ASXL2: variants seen among roughly 807,000 people sequenced by gnomAD.
The protein encoded by ASXL2 is putative Polycomb group protein ASXL2.
Under a neutral mutation model 122.0 loss-of-function variants are expected in ASXL2, and 23 were observed. That is an observed-to-expected ratio of 0.19 (90% CI 0.14 to 0.27). The LOEUF is 0.27. ASXL2 is among the 10% of genes least tolerant of loss of function. The probability of loss-of-function intolerance (pLI) is 1.00; values close to 1 mark genes in which losing one functional copy is unlikely to be tolerated. For synonymous variants in ASXL2, 650 were observed against 637.0 expected (o/e 1.02, Z -0.31); for missense variants, 1,518 against 1,713.8 (o/e 0.89, Z 2.02).
intron 1 of ASXL2, among the ~76,000 whole-genome samples, chr2:25,851,989 A>C (rs1350229073): frequency 6.6e-6 from 1 of 152,182 alleles, no homozygotes; most frequent in African/African-American, 2.4e-5. Context: ...AGGGAAAAAA[A>C]CCCTTTCTTG....
chr2:25,817,831 G>A (rs190279323), intron 3 of ASXL2, among the ~76,000 whole-genome samples: 14 of 152,278 alleles, frequency 9.2e-5, no homozygotes, highest in African/African-American at 3.4e-4. Flanking sequence ...CTGACAGAGA[G>A]TGAGAACCCC....
intron 5 of ASXL2, among the ~76,000 whole-genome samples, chr2:25,778,503 G>A (rs778726925): frequency 3.9e-5 from 6 of 152,140 alleles, no homozygotes; most frequent in African/African-American, 1.2e-4. Flanking sequence ...TGCTTAAGCC[G>A]CTCACTGTGT....
chr2:25,798,682 T>C (rs781499825), intron 5 of ASXL2, among the ~76,000 whole-genome samples: 4 of 152,062 alleles, frequency 2.6e-5, no homozygotes, highest in African/African-American at 7.2e-5. Flanking sequence ...GGTAATTGCT[T>C]GAACCCAGGA....
Position 25,739,908 on chromosome 2 carries a change from G to T in ASXL2, c.*2121C>A. ...CAGCCCTCGGCCCTGGCACTAAGGT[G>T]GAGTTAAGGGGTAGGGCAGGGAGAG... On this transcript the variant is annotated 3_prime_UTR_variant, in exon 13 of 13. Coordinates refer to ENST00000435504, the MANE Select transcript of ASXL2 (RefSeq NM_018263.6). 4.6e-6 allele frequency: 1 copy of T among 217,584 alleles called. No individual in the cohort carries two copies. Among genetic ancestry groups the T allele is most frequent in the Non-Finnish European group, 9.2e-6 (1 of 108,200 alleles). The allele number at this position is 217,584 out of a possible 1,614,324, so 13.5% of individuals were successfully genotyped here.
In ASXL2 at chr2:25,744,569, T is replaced by A; in HGVS notation, c.1861-93A>T. On this transcript the variant is annotated intron_variant, in intron 12 of 12. Coordinates refer to ENST00000435504, the MANE Select transcript of ASXL2 (RefSeq NM_018263.6). This position sits in a 1 kb window ranked among gnomAD's most constrained non-coding sequence, Gnocchi z 4.7. ...TTAGCCCTCACATTTTAAAAACAGATGAACACTACAGTACCTGTGACAAAC... is the reference window on the plus strand; with the variant it reads ...TTAGCCCTCACATTTTAAAAACAGAAGAACACTACAGTACCTGTGACAAAC... The A allele has an allele frequency of 7.4e-7, 1 of 1,359,202 alleles. No homozygotes were observed. Among genetic ancestry groups the A allele is most frequent in the Non-Finnish European group, 9.9e-7 (1 of 1,013,546 alleles). 84.2% of individuals were successfully genotyped at this position (1,359,202 alleles called of 1,614,324 possible). A position where few individuals can be genotyped will look rare whatever the true frequency, so the allele number is the denominator to read the frequency against.
At chr2:25,855,117 A>T (rs1322961329) in intron 1 of ASXL2, among the ~76,000 whole-genome samples, 1 of 152,334 alleles carries the variant, frequency 6.6e-6, no homozygotes, top group South Asian at 2.1e-4. Context: ...GATACCTCAA[A>T]GTTTATCTAT....
At chr2:25,870,752 T>C (rs549711601) in intron 1 of ASXL2, among the ~76,000 whole-genome samples, 10 of 146,522 alleles carry the variant, frequency 6.8e-5, no homozygotes, top group Non-Finnish European at 1.6e-4. Context: ...ATGATATTCA[T>C]AAAATAAAGT....
intron 3 of ASXL2, among the ~76,000 whole-genome samples, chr2:25,826,302 A>C (rs1461015034): frequency 1.3e-5 from 2 of 152,156 alleles, no homozygotes; most frequent in African/African-American, 2.4e-5. Context: ...ACAGTTGTTT[A>C]AGTATTTTAA....
chr2:25,779,350 A>T lies in ASXL2; in HGVS notation c.404-7810T>A, dbSNP rs145745464. Among the ~76,000 whole-genome samples the T allele has an allele frequency of 3.2e-3, 484 of 152,156 alleles. 5 individuals are homozygous for T. The highest frequency in any genetic ancestry group is 0.011 in the African/African-American group (465 of 41,520). ...AGATCTCAAGTAATCCACCTGCTTC[A>T]GCCTCCCAAAGTGCTGGGATTACAG... On this transcript the variant is annotated intron_variant, in intron 5 of 12. Coordinates refer to ENST00000435504, the MANE Select transcript of ASXL2 (RefSeq NM_018263.6).
intron 2 of ASXL2, among the ~76,000 whole-genome samples, chr2:25,841,527 A>G (rs764344495): frequency 6.6e-6 from 1 of 152,102 alleles, no homozygotes; most frequent in Non-Finnish European, 1.5e-5. Flanking sequence ...ACAAACATAT[A>G]TAATTTCAAA....
At chr2:25,828,441 G>A (rs1309998881) in intron 3 of ASXL2, among the ~76,000 whole-genome samples, 1 of 147,340 alleles carries the variant, frequency 6.8e-6, no homozygotes, top group Non-Finnish European at 1.5e-5. Flanking sequence ...GGGAGATGGA[G>A]GTTGCAGTGA....
intron 1 of ASXL2, among the ~76,000 whole-genome samples, chr2:25,875,047 T>TCG (rs2089999408): frequency 6.6e-6 from 1 of 152,118 alleles, no homozygotes; most frequent in African/African-American, 2.4e-5. Context: ...GGCAGTGCAC[T>TCG]CCAGCTTGGG....
chr2:25,782,065 C>T (rs973667992), intron 5 of ASXL2, among the ~76,000 whole-genome samples: 6 of 149,518 alleles, frequency 4.0e-5, no homozygotes, highest in Non-Finnish European at 8.9e-5. Context: ...CCTACCCTCC[C>T]GAAGTGCTGG....
chr2:25,866,171 G>C (rs930086245), intron 1 of ASXL2, among the ~76,000 whole-genome samples: 1 of 145,406 alleles, frequency 6.9e-6, no homozygotes, highest in East Asian at 2.0e-4. Flanking sequence ...TCGCTCTGTC[G>C]CAAGGCTGGA....
intron 5 of ASXL2, among the ~76,000 whole-genome samples, chr2:25,794,071 C>T (rs955792172): frequency 6.6e-6 from 1 of 152,124 alleles, no homozygotes; most frequent in Non-Finnish European, 1.5e-5. Flanking sequence ...CATAATCATA[C>T]CCATTCAGTA....
Position 25,736,542 on chromosome 2 carries a change from G to C in ASXL2, c.*5487C>G, listed in dbSNP as rs1464506731. On this transcript the variant is annotated 3_prime_UTR_variant, in exon 13 of 13. Transcript: ENST00000435504. ...ATTTTCAGCTAAGATCTAGACTGCT[G>C]TTCTCTTGGAAGGCTGAATTATCTC... 6.6e-6 allele frequency: 1 copy of C among 151,866 alleles called. No homozygotes were observed. The highest frequency in any genetic ancestry group is 2.4e-5 in the African/African-American group (1 of 41,314). The allele number at this position is 151,866 out of a possible 1,614,324, so 9.4% of individuals were successfully genotyped here. A position where few individuals can be genotyped will look rare whatever the true frequency, so the allele number is the denominator to read the frequency against.
intron 5 of ASXL2, among the ~76,000 whole-genome samples, chr2:25,774,292 G>A (rs1222190354): frequency 6.6e-6 from 1 of 151,950 alleles, no homozygotes; most frequent in African/African-American, 2.4e-5. Flanking sequence ...TTAAACATAT[G>A]TACACAGATC....
At chr2:25,829,660 C>T (rs1341843660) in intron 3 of ASXL2, among the ~76,000 whole-genome samples, 1 of 152,152 alleles carries the variant, frequency 6.6e-6, no homozygotes, top group African/African-American at 2.4e-5. Flanking sequence ...TTTACCAATT[C>T]CTGGCATTTC....
intron 3 of ASXL2, among the ~76,000 whole-genome samples, chr2:25,811,055 TACACACACACACACACAC>T (rs34006530): frequency 2.6e-5 from 3 of 116,358 alleles, no homozygotes; most frequent in Admixed American, 9.1e-5. Flanking sequence ...AATACAAAAA[TACACACACACACACACAC>T]ACACACACAC....
Sources: gnomAD v4.1 joint callset for allele counts (sites outside exome capture counted in the v4.1 genomes callset) on GRCh38, gnomAD v4.1.1 for gene constraint, Gnocchi (gnomAD v3.1) non-coding constraint, MANE v1.5 for transcripts, NCBI Gene and HGNC (gene_info 2026-07-23, HGNC 2026-07-21) for gene names.